The following L3MBTL4 variants were observed in gnomAD, a reference collection of about 807,000 sequenced individuals.
The protein encoded by L3MBTL4 is L3MBTL histone methyl-lysine binding protein 4.
L3MBTL4 carries 70 observed loss-of-function variants against 84.5 expected under a neutral mutation model. That is an observed-to-expected ratio of 0.83 (90% CI 0.68 to 1.01). The LOEUF is 1.01. L3MBTL4 is among the 50% of genes least tolerant of loss of function. L3MBTL4 has a pLI of 0.00. For synonymous variants in L3MBTL4, 274 were observed against 259.8 expected (o/e 1.05, Z -0.52); for missense variants, 715 against 754.8 (o/e 0.95, Z 0.62).
At chr18:6,092,754 T>C (rs2058501999) in intron 15 of L3MBTL4, among the ~76,000 whole-genome samples, 1 of 152,220 alleles carries the variant, frequency 6.6e-6, no homozygotes, top group Admixed American at 6.5e-5. Context: ...TTAAAAAATA[T>C]CACACAAGGC....
At chr18:5,971,316 T>G (rs1386086729) in intron 16 of L3MBTL4, among the ~76,000 whole-genome samples, 1 of 152,328 alleles carries the variant, frequency 6.6e-6, no homozygotes, top group African/African-American at 2.4e-5. Context: ...AAGACCTTGC[T>G]GGGAAGCCAG....
At chr18:6,138,488 T>C (rs1180541633) in intron 13 of L3MBTL4, among the ~76,000 whole-genome samples, 192 bp from the exon 14 acceptor site, 1 of 152,182 alleles carries the variant, frequency 6.6e-6, no homozygotes, top group East Asian at 1.9e-4. Flanking sequence ...CTGTGATAAA[T>C]AACACCAACA....
At chr18:6,031,487 AT>A (rs1157873053) in intron 16 of L3MBTL4, 20 of 985,220 alleles carry the variant, frequency 2.0e-5, no homozygotes, top group Non-Finnish European at 2.4e-5. Flanking sequence ...TCAGCATCTC[AT>A]TTTTTTAAGT....
chr18:6,269,342 A>T (rs2048769055), intron 4 of L3MBTL4, among the ~76,000 whole-genome samples: 1 of 152,038 alleles, frequency 6.6e-6, no homozygotes, highest in Admixed American at 6.6e-5. Context: ...CTGTAGTTCC[A>T]GCTACTCGGG....
At chr18:6,232,380 G>A (rs1261866924) in intron 10 of L3MBTL4, among the ~76,000 whole-genome samples, 5 of 151,926 alleles carry the variant, frequency 3.3e-5, no homozygotes, top group African/African-American at 4.8e-5. Context: ...TTGGTATTAT[G>A]GTAATTATGT....
intron 12 of L3MBTL4, among the ~76,000 whole-genome samples, chr18:6,207,430 G>A (rs1454452731): frequency 1.3e-5 from 2 of 152,198 alleles, no homozygotes; most frequent in East Asian, 3.8e-4. Flanking sequence ...TTGGGTTGCT[G>A]TGAAGAATAA....
At chr18:6,013,555 C>T (rs1032543220) in intron 16 of L3MBTL4, among the ~76,000 whole-genome samples, 1 of 152,230 alleles carries the variant, frequency 6.6e-6, no homozygotes, top group African/African-American at 2.4e-5. Flanking sequence ...CCTTGGCAGC[C>T]CTAGCCCCAC....
intron 14 of L3MBTL4, among the ~76,000 whole-genome samples, chr18:6,129,424 T>G (rs2059808366): frequency 6.7e-6 from 1 of 149,370 alleles, no homozygotes; most frequent in African/African-American, 2.5e-5. Flanking sequence ...ATTCACTCAT[T>G]TCATCATTAA....
chr18:5,956,137 A>C lies in L3MBTL4; in HGVS notation c.*83T>G. 1 of 1,115,236 alleles carries C rather than the reference A, an allele frequency of 9.0e-7. No homozygotes were observed. Among genetic ancestry groups the C allele is most frequent in the Admixed American group, 2.0e-5 (1 of 50,532 alleles). 69.1% of individuals were successfully genotyped at this position (1,115,236 alleles called of 1,614,324 possible). ...ATTCAGTGTGGATACGGCCATGGGGACATTCACATCAAATTAATGTGCTCC... is the reference window on the plus strand; with the variant it reads ...ATTCAGTGTGGATACGGCCATGGGGCCATTCACATCAAATTAATGTGCTCC... On this transcript the variant is annotated 3_prime_UTR_variant, in exon 19 of 19. Coordinates refer to ENST00000317931, the MANE Select transcript of L3MBTL4 (RefSeq NM_001330559.2).
chr18:6,013,361 A>G (rs764361518), intron 16 of L3MBTL4, among the ~76,000 whole-genome samples: 40 of 152,224 alleles, frequency 2.6e-4, no homozygotes, highest in Admixed American at 6.5e-4. Flanking sequence ...CTTGTCAGCT[A>G]CAATTGGCTG....
chr18:6,090,593 TACACACAC>T (rs71163260), intron 15 of L3MBTL4, among the ~76,000 whole-genome samples: 7,176 of 86,698 alleles, frequency 0.083, 545 homozygotes, highest in African/African-American at 0.3. Context: ...ATTATATATA[TACACACAC>T]ACACACACAC....
chr18:6,257,571 G>A (rs549281212), intron 5 of L3MBTL4, among the ~76,000 whole-genome samples: 22 of 151,916 alleles, frequency 1.4e-4, no homozygotes, highest in Non-Finnish European at 2.8e-4. Flanking sequence ...TTTTCATAAA[G>A]ATGGAACAGA....
intron 15 of L3MBTL4, among the ~76,000 whole-genome samples, chr18:6,083,660 C>T (rs574854281): frequency 2.6e-5 from 4 of 152,298 alleles, no homozygotes; most frequent in Admixed American, 6.5e-5. Flanking sequence ...CCAATTATTC[C>T]TCCTGAAGCC....
chr18:6,030,835 C>A lies in L3MBTL4; in HGVS notation c.1444+50046G>T, dbSNP rs547493854. 4.1e-6 allele frequency: 4 copies of A among 985,190 alleles called. No individual in the cohort carries two copies. In the African/African-American group the frequency reaches 7.0e-5, roughly 17 times the overall value. 61.0% of individuals were successfully genotyped at this position (985,190 alleles called of 1,614,324 possible). On this transcript the variant is annotated intron_variant, in intron 16 of 18. Transcript: ENST00000317931. ...ATGAAGTAAAACATTTTAAAACAGG[C>A]ACACTAACATGAAACATACTGAAAC... is the stretch of plus-strand genomic sequence containing the variant.
At chr18:6,184,878 A>G (rs1430439645) in intron 12 of L3MBTL4, among the ~76,000 whole-genome samples, 1 of 152,240 alleles carries the variant, frequency 6.6e-6, no homozygotes, top group Non-Finnish European at 1.5e-5. Flanking sequence ...GAAATCAGCT[A>G]AGGAAAAAAA....
At chr18:6,186,045 T>C (rs913440144) in intron 12 of L3MBTL4, among the ~76,000 whole-genome samples, 1 of 151,506 alleles carries the variant, frequency 6.6e-6, no homozygotes, top group African/African-American at 2.4e-5. Flanking sequence ...GGAGTTCAGC[T>C]CTTGTTAACC....
At chr18:6,391,752 A>AACAACAACAACTACTACTACTACT (rs1555755552) in intron 1 of L3MBTL4, among the ~76,000 whole-genome samples, 3 of 150,114 alleles carry the variant, frequency 2.0e-5, no homozygotes, top group African/African-American at 7.4e-5. Context: ...CAACAACAAC[A>AACAACAACAACTACTACTACTACT]ACTACTACTA....
intron 16 of L3MBTL4, among the ~76,000 whole-genome samples, chr18:6,011,443 G>GA (rs2145391971): frequency 6.6e-6 from 1 of 152,292 alleles, no homozygotes; most frequent in African/African-American, 2.4e-5. Flanking sequence ...GAATTCAAGG[G>GA]AAAATTAGGG....
At chr18:6,093,627 G>A (rs539903525) in intron 14 of L3MBTL4, 99 bp from the exon 15 acceptor site, 10 of 953,166 alleles carry the variant, frequency 1.0e-5, no homozygotes, top group Middle Eastern at 2.3e-4. Context: ...TTTAAAAATT[G>A]CATAGAAACA....
Sources: allele counts gnomAD v4.1 joint callset (sites outside exome capture counted in the v4.1 genomes callset), GRCh38; gene constraint gnomAD v4.1.1; transcripts MANE v1.5; gene names NCBI Gene and HGNC (gene_info 2026-07-23, HGNC 2026-07-21).